Variants in TBC1D19 observed in about 807,000 individuals in gnomAD.
The protein encoded by TBC1D19 is TBC1 domain family, member 19.
In TBC1D19, 60 loss-of-function variants were observed where a neutral mutation model predicts 89.0. That is an observed-to-expected ratio of 0.67 (90% CI 0.55 to 0.84). TBC1D19 has a LOEUF of 0.84. Among genes scored for constraint, TBC1D19 ranks in the 40% least tolerant of loss-of-function variants. The pLI is 0.00. For missense variants in TBC1D19, 500 were observed against 610.8 expected, an observed-to-expected ratio of 0.82 and a Z score of 1.91; for synonymous variants, 189 against 199.7, an observed-to-expected ratio of 0.95 and a Z score of 0.45.
At position 26,670,375 on chromosome 4, in the gene TBC1D19, G is replaced by GA. The variant is rs1191851446; in HGVS notation, c.665-1768dup. 4.0e-5 allele frequency among the ~76,000 whole-genome samples: 6 copies of GA among 151,280 alleles called. No homozygotes were observed. The East Asian group carries it at 5.8e-4, about 15-fold the overall frequency. ...GGCATTCTGGCTCAAATACTCTAGT[G>GA]AAAAAACAGCTTTATGGATTATTTT... On this transcript the variant is annotated intron_variant, in intron 9 of 20. Transcript: ENST00000264866.
rs769535880 is a variant in TBC1D19, at chr4:26,694,038, C to T, written c.954+5631C>T. On this transcript the variant is annotated intron_variant, in intron 13 of 20. Coordinates refer to ENST00000264866, the MANE Select transcript of TBC1D19 (RefSeq NM_018317.4). ...CCGGGTTCACCTCACTGGGGCTCGT[C>T]GAACAGTGGAGGCAGGACAGTGGGT... Among the ~76,000 whole-genome samples the T allele has an allele frequency of 3.9e-5, 6 of 152,048 alleles. No homozygotes were observed. The South Asian group carries it at 6.2e-4, about 16-fold the overall frequency.
chr4:26,827,063 A>T, the TBC1D19 span, among the ~76,000 whole-genome samples: 1 of 152,144 alleles, frequency 6.6e-6, no homozygotes. Flanking sequence ...GAGAAAGGAA[A>T]CTAATGATTA....
intron 7 of TBC1D19, among the ~76,000 whole-genome samples, chr4:26,655,551 C>G (rs555839169): frequency 4.6e-5 from 7 of 152,218 alleles, no homozygotes; most frequent in Non-Finnish European, 1.0e-4. Context: ...CTTTGTTTAC[C>G]TAGTCAAGCG....
In TBC1D19 at chr4:26,642,120, A is replaced by T. The variant is rs1411952110; in HGVS notation, c.480+1933A>T. ...CTCGAGAAGAGCAACCCCAAGGCACATAACTGTCAGATTCACCAAGGTTGA... is the reference window on the plus strand; with the variant it reads ...CTCGAGAAGAGCAACCCCAAGGCACTTAACTGTCAGATTCACCAAGGTTGA... On this transcript the variant is annotated intron_variant, in intron 7 of 20. Transcript: ENST00000264866. Among the ~76,000 whole-genome samples the T allele has an allele frequency of 2.0e-5, 3 of 152,236 alleles. No homozygotes were observed. In the East Asian group the frequency reaches 5.8e-4, roughly 29 times the overall value.
chr4:26,835,122 A>G, the TBC1D19 span, among the ~76,000 whole-genome samples: 3 of 152,244 alleles, frequency 2.0e-5, no homozygotes, highest in African/African-American at 7.2e-5. Flanking sequence ...TGATGGGAAG[A>G]TAATCCTGGA....
chr4:26,638,601 G>A (rs1281735004), intron 5 of TBC1D19, among the ~76,000 whole-genome samples, 170 bp from the exon 6 acceptor site: 1 of 152,062 alleles, frequency 6.6e-6, no homozygotes, highest in East Asian at 1.9e-4. Flanking sequence ...TAACATAATA[G>A]TTAAATAATA....
intron 10 of TBC1D19, 76 bp from the exon 11 acceptor site, chr4:26,673,700 G>T: frequency 1.1e-6 from 1 of 931,428 alleles, no homozygotes; most frequent in South Asian, 1.4e-5. Context: ...CTTCCCAAAA[G>T]ATTTATAATT....
chr4:26,675,932 G>T (rs1712761951), intron 11 of TBC1D19, among the ~76,000 whole-genome samples: 1 of 152,078 alleles, frequency 6.6e-6, no homozygotes, highest in Admixed American at 6.6e-5. Flanking sequence ...TCTATGATAG[G>T]TTTAAGAAGA....
intron 8 of TBC1D19, among the ~76,000 whole-genome samples, chr4:26,661,152 A>T (rs1220691989): frequency 6.6e-6 from 1 of 152,142 alleles, no homozygotes; most frequent in Non-Finnish European, 1.5e-5. Flanking sequence ...CCTCCCCCAC[A>T]GAAGACCAGA....
chr4:26,822,391 C>T, the TBC1D19 span, among the ~76,000 whole-genome samples: 32 of 152,222 alleles, frequency 2.1e-4, no homozygotes, highest in Non-Finnish European at 4.0e-4. Context: ...TAACCCAACA[C>T]GACTTTGAAC....
intron 3 of TBC1D19, among the ~76,000 whole-genome samples, chr4:26,616,660 C>T (rs1460906884): frequency 1.3e-5 from 2 of 152,104 alleles, no homozygotes; most frequent in Non-Finnish European, 2.9e-5. Context: ...AGACTGAAAA[C>T]AGCACACTTC....
the TBC1D19 span, among the ~76,000 whole-genome samples, chr4:26,853,334 C>G: frequency 2.6e-4 from 39 of 152,090 alleles, no homozygotes; most frequent in Admixed American, 1.7e-3. Context: ...TTATCTCCCC[C>G]CTTCCAGCTC....
At chr4:26,617,864 T>G (rs1741795100) in intron 3 of TBC1D19, among the ~76,000 whole-genome samples, 1 of 152,244 alleles carries the variant, frequency 6.6e-6, no homozygotes, top group Admixed American at 6.5e-5. Context: ...ATAGCATAGT[T>G]TGCTGTTATA....
At chr4:26,781,369 T>C in the TBC1D19 span, among the ~76,000 whole-genome samples, 1 of 152,210 alleles carries the variant, frequency 6.6e-6, no homozygotes, top group Non-Finnish European at 1.5e-5. Flanking sequence ...CCTAGTGATG[T>C]GACCTTGGAT....
chr4:26,640,576 G>A (rs552940306), intron 7 of TBC1D19, among the ~76,000 whole-genome samples: 4 of 152,138 alleles, frequency 2.6e-5, no homozygotes, highest in East Asian at 1.9e-4. Context: ...TGCAGCCCAC[G>A]GAGGGTGAGC....
At chr4:26,729,190 T>C (rs966388220) in intron 15 of TBC1D19, among the ~76,000 whole-genome samples, 3 of 152,242 alleles carry the variant, frequency 2.0e-5, no homozygotes, top group Non-Finnish European at 4.4e-5. Context: ...GGCAGGTTAC[T>C]GAAGCTCAGC....
chr4:26,728,377 T>C (rs1029151334), intron 15 of TBC1D19, among the ~76,000 whole-genome samples: 31 of 152,234 alleles, frequency 2.0e-4, no homozygotes, highest in African/African-American at 7.0e-4. Flanking sequence ...TATTAACTTA[T>C]TTTTCTCTCT....
At chr4:26,647,823 T>C (rs527908876) in intron 7 of TBC1D19, among the ~76,000 whole-genome samples, 1 of 152,126 alleles carries the variant, frequency 6.6e-6, no homozygotes, top group Admixed American at 6.5e-5. Context: ...TACTTGTGTC[T>C]TTGCTTAAAT....
intron 8 of TBC1D19, among the ~76,000 whole-genome samples, chr4:26,662,399 G>A (rs1434587565): frequency 6.6e-6 from 1 of 152,024 alleles, no homozygotes; most frequent in African/African-American, 2.4e-5. Context: ...TTTATCAGAA[G>A]ATGAAGCAAA....
Sources: allele counts gnomAD v4.1 joint callset (sites outside exome capture counted in the v4.1 genomes callset), GRCh38; gene constraint gnomAD v4.1.1; transcripts MANE v1.5; gene names NCBI Gene and HGNC (gene_info 2026-07-23, HGNC 2026-07-21).